Variants in SHPRH observed in about 807,000 individuals in gnomAD.
SHPRH encodes E3 ubiquitin-protein ligase SHPRH.
A neutral mutation model predicts 202.5 loss-of-function variants in SHPRH; 106 were observed. The observed-to-expected ratio is 0.52, with a 90% confidence interval of 0.45 to 0.62. The LOEUF is 0.62. Among genes scored for constraint, SHPRH ranks in the 20% least tolerant of loss-of-function variants. The pLI, the probability that SHPRH is intolerant of heterozygous loss-of-function variation, is 0.00. For synonymous variants in SHPRH, 729 were observed against 686.0 expected (o/e 1.06, Z -0.98); for missense variants, 1,710 against 2,020.0 (o/e 0.85, Z 2.94).
chr6:145,897,457 A>C lies in SHPRH; in HGVS notation c.4516-2480T>G, dbSNP rs183396958. On this transcript the variant is annotated intron_variant, in intron 25 of 29. Coordinates refer to ENST00000275233, the MANE Select transcript of SHPRH (RefSeq NM_001042683.3). ...GTTTCACTGGTAAAGTTAAACAATCATTTAAAGAAGAACTAATACCAATCT... is the reference window on the plus strand; with the variant it reads ...GTTTCACTGGTAAAGTTAAACAATCCTTTAAAGAAGAACTAATACCAATCT... Among the ~76,000 whole-genome samples the C allele has an allele frequency of 3.3e-5, 5 of 152,274 alleles. No individual in the cohort carries two copies. The East Asian group carries it at 7.7e-4, about 24-fold the overall frequency.
At chr6:145,934,576 C>G (rs888616094) in intron 13 of SHPRH, among the ~76,000 whole-genome samples, 3 of 151,382 alleles carry the variant, frequency 2.0e-5, no homozygotes, top group African/African-American at 7.3e-5. Context: ...GCAGGAGGAT[C>G]ACTTGAGCCC....
chr6:145,912,728 T>A (rs1488014744), intron 24 of SHPRH, among the ~76,000 whole-genome samples: 1 of 152,098 alleles, frequency 6.6e-6, no homozygotes, highest in East Asian at 1.9e-4. Flanking sequence ...CTGGTCAGAA[T>A]ATGGAATGCA....
At chr6:145,877,669 G>A (rs150252981) in intron 2 of SHPRH, 29 of 152,118 alleles carry the variant, frequency 1.9e-4, no homozygotes, top group African/African-American at 6.5e-4. Context: ...TAAGAGCTAG[G>A]CATCCTTTTA....
intron 9 of SHPRH, among the ~76,000 whole-genome samples, chr6:145,942,329 C>T (rs769512133): frequency 2.6e-5 from 4 of 152,152 alleles, no homozygotes; most frequent in Admixed American, 6.6e-5. Flanking sequence ...AGCATTATCT[C>T]CAAACTTCAA....
At chr6:145,905,329 T>C (rs1351894650) in intron 25 of SHPRH, 6 of 152,210 alleles carry the variant, frequency 3.9e-5, no homozygotes, top group Admixed American at 3.9e-4. Context: ...GGAAGCAGCA[T>C]AGCTCCTAAG....
In SHPRH at chr6:145,955,355, C is replaced by CT; in HGVS notation, c.-32-2dup. On this transcript the variant is annotated splice_acceptor_variant, in intron 1 of 29. Coordinates refer to ENST00000275233, the MANE Select transcript of SHPRH (RefSeq NM_001042683.3). LOFTEE classifies it low-confidence loss of function (5UTR_SPLICE). ...TTTTCTTGGCTGGTAACTGTGAACT[C>CT]TAGAGGACAAATGAAACAACAGGAG... The CT allele has an allele frequency of 6.4e-7, 1 of 1,563,792 alleles. No homozygotes were observed. Among genetic ancestry groups the CT allele is most frequent in the African/African-American group, 1.4e-5 (1 of 73,694 alleles).
At chr6:145,891,587 A>G (rs927968795) in intron 28 of SHPRH, among the ~76,000 whole-genome samples, 3 of 152,184 alleles carry the variant, frequency 2.0e-5, no homozygotes, top group Non-Finnish European at 4.4e-5. Flanking sequence ...TGGCACACAG[A>G]AGATACTCAA....
rs1182442184 is a variant in SHPRH at position 145,950,380 on chromosome 6, T to G, written c.866A>C (p.Gln289Pro). 1 of 1,613,352 alleles carries G rather than the reference T, an allele frequency of 6.2e-7. No homozygotes were observed. Among genetic ancestry groups the G allele is most frequent in the African/African-American group, 1.3e-5 (1 of 74,984 alleles). ...FVKQTHQQET[Q>P]SIQVDVQHPA... is the part of the protein sequence containing the mutation. ...ATGCTGGACATCCACTTGGATGGACTGCGTTTCTTGCTGATGTGTTTGTTT... is the reference window on the plus strand; with the variant it reads ...ATGCTGGACATCCACTTGGATGGACGGCGTTTCTTGCTGATGTGTTTGTTT... Residue 289 changes from glutamine to proline, a missense_variant, in exon 4 of 30, where the codon CAG (glutamine) becomes CCG (proline). Physicochemically the swap from Gln to Pro is moderately conservative, Grantham distance 76. Around this residue, in one of 8 missense-constraint regions of SHPRH, gnomAD observed 459 missense variants for 426.5 expected, o/e 1.08. Transcript: ENST00000275233.
At chr6:145,865,222 G>A (rs1287494105) in intron 2 of SHPRH, among the ~76,000 whole-genome samples, 3 of 152,110 alleles carry the variant, frequency 2.0e-5, no homozygotes, top group Admixed American at 6.5e-5. Flanking sequence ...ATGTTATGAC[G>A]TTTAGAGATG....
chr6:145,936,437 C>T (rs548633570), intron 11 of SHPRH, among the ~76,000 whole-genome samples: 55 of 152,084 alleles, frequency 3.6e-4, no homozygotes, highest in Non-Finnish European at 6.6e-4. Flanking sequence ...TCAAGTGATC[C>T]TACCTCAGCC....
At position 145,948,274 on chromosome 6, in the gene SHPRH, G is replaced by T. The variant is rs1195261114; in HGVS notation, c.1059C>A (p.Gly353=). 2 of 1,570,436 alleles carry T rather than the reference G, an allele frequency of 1.3e-6. No individual in the cohort carries two copies. The highest frequency in any genetic ancestry group is 1.7e-6 in the Non-Finnish European group (2 of 1,158,702). Residue 353 remains glycine, a splice_region_variant and synonymous_variant, in exon 5 of 30, where the codon GGC becomes GGA. Coordinates refer to ENST00000275233, the MANE Select transcript of SHPRH (RefSeq NM_001042683.3). ...GLKLYYNPYT[G]CIIREYPNSG... is the part of the protein sequence containing the mutation. ...ATATAAGTAAAATTTTGCCTTACCA[G>T]CCTGTATATGGATTATAGTAGAGTT... is the stretch of plus-strand genomic sequence containing the variant.
chr6:145,863,773 G>A (rs1779657000), downstream of SHPRH, among the ~76,000 whole-genome samples: 1 of 152,176 alleles, frequency 6.6e-6, no homozygotes, highest in Admixed American at 6.6e-5. Flanking sequence ...GTGTTTTCGA[G>A]AGGGTAAATT....
At chr6:145,904,141 A>G (rs1356472821) in intron 25 of SHPRH, 1 of 152,108 alleles carries the variant, frequency 6.6e-6, no homozygotes, top group Admixed American at 6.6e-5. Flanking sequence ...TATGCTTTCC[A>G]AATATCTTTT....
chr6:145,913,785 G>A (rs2128741005), intron 23 of SHPRH, among the ~76,000 whole-genome samples: 1 of 152,146 alleles, frequency 6.6e-6, no homozygotes, highest in East Asian at 1.9e-4. Flanking sequence ...AATCACACAG[G>A]TTGAATATCC....
intron 23 of SHPRH, among the ~76,000 whole-genome samples, chr6:145,915,663 GA>G (rs1783887445): frequency 6.6e-6 from 1 of 151,998 alleles, no homozygotes. Flanking sequence ...CTTTAAAGGT[GA>G]AAAGAAAAAC....
chr6:145,911,771 A>T (rs1783519367), intron 24 of SHPRH, among the ~76,000 whole-genome samples: 1 of 152,074 alleles, frequency 6.6e-6, no homozygotes, highest in Admixed American at 6.6e-5. Context: ...TCTTTGGAAA[A>T]GAACTCACAT....
downstream of SHPRH, among the ~76,000 whole-genome samples, chr6:145,863,749 G>A (rs1779656195): frequency 6.6e-6 from 1 of 152,184 alleles, no homozygotes; most frequent in South Asian, 2.1e-4. Flanking sequence ...AATTAGGGAA[G>A]AGACATGATC....
intron 1 of SHPRH, among the ~76,000 whole-genome samples, chr6:145,960,554 G>A (rs1319849365): frequency 6.6e-6 from 1 of 152,166 alleles, no homozygotes; most frequent in African/African-American, 2.4e-5. Context: ...AAGCGATGTG[G>A]CTTAAAGGTG....
intron 25 of SHPRH, among the ~76,000 whole-genome samples, chr6:145,900,915 G>C (rs907707589): frequency 7.2e-5 from 11 of 152,188 alleles, no homozygotes; most frequent in Non-Finnish European, 1.3e-4. Context: ...TGCTGATGCA[G>C]AATCTGCAAA....
Sources: allele counts gnomAD v4.1 joint callset (sites outside exome capture counted in the v4.1 genomes callset), GRCh38; gene constraint gnomAD v4.1.1; regional missense constraint gnomAD v4.1.1; transcripts MANE v1.5; gene names NCBI Gene and HGNC (gene_info 2026-07-23, HGNC 2026-07-21).